LOC400499: variants seen among roughly 807,000 people sequenced by gnomAD.
At chr16:11,507,621 C>CT in the LOC400499 span, among the ~76,000 whole-genome samples, 1 of 152,198 alleles carries the variant, frequency 6.6e-6, no homozygotes, top group Non-Finnish European at 1.5e-5. Flanking sequence ...TGAGCATACA[C>CT]TAAGTGCTCA....
chr16:11,450,260 G>A, the LOC400499 span, among the ~76,000 whole-genome samples: 1 of 152,196 alleles, frequency 6.6e-6, no homozygotes, highest in African/African-American at 2.4e-5. Context: ...GTCAGTAGTC[G>A]GCATCAAACC....
At chr16:11,474,288 T>C in the LOC400499 span, among the ~76,000 whole-genome samples, 3 of 152,228 alleles carry the variant, frequency 2.0e-5, no homozygotes, top group African/African-American at 7.2e-5. Flanking sequence ...TACAACTTTA[T>C]TTCTGGACAC....
chr16:11,525,500 T>C, the LOC400499 span, among the ~76,000 whole-genome samples: 2 of 152,126 alleles, frequency 1.3e-5, no homozygotes, highest in African/African-American at 4.8e-5. Flanking sequence ...AAACCACATT[T>C]CAAAGACATT....
chr16:11,493,506 C>G, the LOC400499 span: 1 of 388,780 alleles, frequency 2.6e-6, no homozygotes, highest in African/African-American at 2.1e-5. Flanking sequence ...GATACCTGTT[C>G]ACACTAGTAC....
chr16:11,460,388 C>T, the LOC400499 span: 3 of 1,376,072 alleles, frequency 2.2e-6, no homozygotes, highest in Admixed American at 2.8e-5. Context: ...GCAAGTCCAT[C>T]TCTTTGGGGA....
the LOC400499 span, among the ~76,000 whole-genome samples, chr16:11,420,306 A>C: frequency 6.6e-6 from 1 of 151,976 alleles, no homozygotes; most frequent in Non-Finnish European, 1.5e-5. Flanking sequence ...GACATGGATG[A>C]AATTAGAAAT....
the LOC400499 span, among the ~76,000 whole-genome samples, chr16:11,510,784 C>T: frequency 6.6e-6 from 1 of 151,522 alleles, no homozygotes; most frequent in South Asian, 2.1e-4. Context: ...AAGGAGAATT[C>T]TCCCACGACA....
chr16:11,446,893 G>C, the LOC400499 span: 2 of 1,535,412 alleles, frequency 1.3e-6, no homozygotes, highest in East Asian at 2.4e-5. Flanking sequence ...CTGCGGGATG[G>C]GCAGGTGCAA....
the LOC400499 span, chr16:11,391,716 TAA>T: frequency 1.6e-6 from 2 of 1,232,188 alleles, no homozygotes; most frequent in Non-Finnish European, 2.0e-6. Context: ...CCACTCCAGG[TAA>T]AGAGGCAGGT....
chr16:11,458,885 A>C, the LOC400499 span, among the ~76,000 whole-genome samples: 1 of 151,616 alleles, frequency 6.6e-6, no homozygotes, highest in Non-Finnish European at 1.5e-5. Context: ...AAATACAAAA[A>C]AATTAGCCAG....
the LOC400499 span, among the ~76,000 whole-genome samples, chr16:11,515,532 TACATA>T: frequency 6.7e-6 from 1 of 149,330 alleles, no homozygotes; most frequent in Admixed American, 6.7e-5. Context: ...CGTACATACA[TACATA>T]AAATAAAATA....
At chr16:11,403,638 G>A in the LOC400499 span, among the ~76,000 whole-genome samples, 1 of 152,196 alleles carries the variant, frequency 6.6e-6, no homozygotes, top group East Asian at 1.9e-4. Context: ...GCTGGGGTCT[G>A]CACTCTGTCT....
chr16:11,420,608 C>G, the LOC400499 span, among the ~76,000 whole-genome samples: 3 of 92,884 alleles, frequency 3.2e-5, no homozygotes, highest in African/African-American at 1.6e-4. Context: ...CCCCCCCCCC[C>G]GGAAAAAAAC....
chr16:11,403,475 G>GCA, the LOC400499 span, among the ~76,000 whole-genome samples: 69 of 148,386 alleles, frequency 4.7e-4, no homozygotes, highest in African/African-American at 1.7e-3. Flanking sequence ...ACACACATGA[G>GCA]CACACATACA....
chr16:11,401,739 C>T, the LOC400499 span, among the ~76,000 whole-genome samples: 4 of 152,340 alleles, frequency 2.6e-5, no homozygotes, highest in East Asian at 5.8e-4. Flanking sequence ...AACACGGGCC[C>T]ATTAATAGCG....
chr16:11,393,453 T>TTCTCC, the LOC400499 span: 1 of 1,232,292 alleles, frequency 8.1e-7, no homozygotes, highest in East Asian at 3.2e-5. Context: ...CAGCCTCACT[T>TTCTCC]TCTCCTCTCT....
chr16:11,448,034 C>A, the LOC400499 span: 1 of 1,536,026 alleles, frequency 6.5e-7, no homozygotes, highest in South Asian at 1.2e-5. Context: ...CCCTGGGCAC[C>A]AATCCGCACA....
At chr16:11,385,315 C>G in the LOC400499 span, 19 of 1,232,180 alleles carry the variant, frequency 1.5e-5, no homozygotes, top group South Asian at 4.1e-5. Context: ...GTGTTGTGAG[C>G]AAAGTCCTGG....
chr16:11,435,014 A>G, the LOC400499 span, among the ~76,000 whole-genome samples: 1 of 152,172 alleles, frequency 6.6e-6, no homozygotes, highest in Non-Finnish European at 1.5e-5. Context: ...TCATTTCACT[A>G]TTGCCCAGGC....
Sources: gnomAD v4.1 joint callset for allele counts (sites outside exome capture counted in the v4.1 genomes callset) on GRCh38, gnomAD v4.1.1 for gene constraint, MANE v1.5 for transcripts.